LRMDA: variants seen among roughly 807,000 people sequenced by gnomAD.
LRMDA encodes the protein leucine rich melanocyte differentiation associated, also known as leucine-rich melanocyte differentiation-associated protein.
A neutral mutation model predicts 29.8 loss-of-function variants in LRMDA; 18 were observed. The ratio of observed to expected loss-of-function variants is 0.60; its 90% CI spans 0.42 to 0.90. The LOEUF (loss-of-function observed/expected upper bound fraction) is 0.90, where lower values mean the gene tolerates loss of function less well. Among genes scored for constraint, LRMDA ranks in the 40% least tolerant of loss-of-function variants. The probability of loss-of-function intolerance (pLI) is 0.00; values close to 1 mark genes in which losing one functional copy is unlikely to be tolerated. For synonymous variants in LRMDA, 125 were observed against 109.4 expected (o/e 1.14, Z -0.89); for missense variants, 273 against 273.9 (o/e 1.00, Z 0.02).
chr10:75,711,337 A>T (rs574533471), intron 2 of LRMDA, among the ~76,000 whole-genome samples: 1 of 152,252 alleles, frequency 6.6e-6, no homozygotes, highest in South Asian at 2.1e-4. Flanking sequence ...CTTAGTTGCA[A>T]AAAAGCAGGT....
chr10:75,848,722 C>G (rs956813379), intron 2 of LRMDA, among the ~76,000 whole-genome samples: 2 of 152,100 alleles, frequency 1.3e-5, no homozygotes, highest in Non-Finnish European at 2.9e-5. Context: ...ATCTTGTGTG[C>G]CCAGACCATA....
At chr10:76,383,449 A>G (rs1451953016) in intron 6 of LRMDA, among the ~76,000 whole-genome samples, 3 of 104,338 alleles carry the variant, frequency 2.9e-5, no homozygotes, top group African/African-American at 8.4e-5. Flanking sequence ...TTTGAGACGG[A>G]GTCTCGCTCT....
chr10:76,541,141 C>T (rs1010080421), intron 6 of LRMDA, among the ~76,000 whole-genome samples: 4 of 152,122 alleles, frequency 2.6e-5, no homozygotes, highest in Non-Finnish European at 5.9e-5. Flanking sequence ...CCAGGGTATC[C>T]AGGGATCTTC....
chr10:75,618,382 CTA>C (rs71477026), intron 2 of LRMDA, among the ~76,000 whole-genome samples: 13,716 of 76,200 alleles, frequency 0.18, 679 homozygotes, highest in Non-Finnish European at 0.2. Flanking sequence ...CTCTCTCTCT[CTA>C]TATATATATA....
At chr10:76,415,713 A>G (rs1326847726) in intron 6 of LRMDA, among the ~76,000 whole-genome samples, 1 of 152,212 alleles carries the variant, frequency 6.6e-6, no homozygotes, top group Non-Finnish European at 1.5e-5. Flanking sequence ...CATTCCTGAC[A>G]TGGCTATGGG....
At chr10:75,722,450 T>G (rs2132188920) in intron 2 of LRMDA, among the ~76,000 whole-genome samples, 1 of 152,228 alleles carries the variant, frequency 6.6e-6, no homozygotes, top group African/African-American at 2.4e-5. Context: ...TAAATCATAG[T>G]TCTATGTTTA....
chr10:75,478,521 C>G (rs1191232998), intron 2 of LRMDA, among the ~76,000 whole-genome samples: 1 of 152,176 alleles, frequency 6.6e-6, no homozygotes, highest in Non-Finnish European at 1.5e-5. Flanking sequence ...CTTTCTGTTT[C>G]AATGTAAGTA....
At chr10:75,453,485 G>A (rs970873632) in intron 2 of LRMDA, among the ~76,000 whole-genome samples, 1 of 152,294 alleles carries the variant, frequency 6.6e-6, no homozygotes, top group East Asian at 1.9e-4. Context: ...GGATCATTTA[G>A]ATGTATTCTT....
intron 5 of LRMDA, among the ~76,000 whole-genome samples, chr10:76,321,767 A>G (rs758834932): frequency 1.4e-4 from 21 of 152,154 alleles, no homozygotes; most frequent in Non-Finnish European, 2.6e-4. Flanking sequence ...CAACATGGCA[A>G]AACCCCATCT....
intron 6 of LRMDA, among the ~76,000 whole-genome samples, chr10:76,422,036 C>G (rs1431941358): frequency 6.6e-6 from 1 of 152,098 alleles, no homozygotes; most frequent in African/African-American, 2.4e-5. Flanking sequence ...GAGGACAGAT[C>G]TATTTCCAGT....
intron 5 of LRMDA, among the ~76,000 whole-genome samples, chr10:76,262,839 C>G (rs1364264351): frequency 2.0e-5 from 3 of 152,234 alleles, no homozygotes; most frequent in Admixed American, 6.5e-5. Context: ...TTGTGACACT[C>G]TGTTTCCACA....
At chr10:76,473,711 A>C in intron 6 of LRMDA, among the ~76,000 whole-genome samples, 1 of 151,728 alleles carries the variant, frequency 6.6e-6, no homozygotes, top group East Asian at 1.9e-4. Context: ...CATCCATCGT[A>C]ATTGTGAAAT....
rs183959130 is a variant in LRMDA, at chr10:76,052,436, G to T, written c.398+5133G>T. Reference sequence around the variant, plus strand: ...TTCCTGGGGAGCAGCCATTGCCCTGGGGGGAGCAGCCATTGCCCTGGGGAT... The same window carrying T: ...TTCCTGGGGAGCAGCCATTGCCCTGTGGGGAGCAGCCATTGCCCTGGGGAT... On this transcript the variant is annotated intron_variant, in intron 4 of 6. Transcript: ENST00000611255. Among the ~76,000 whole-genome samples, 190 of 151,884 alleles carry T rather than the reference G, an allele frequency of 1.3e-3. 1 individual carries two copies. Among genetic ancestry groups the T allele is most frequent in the South Asian group, 2.1e-3 (10 of 4,798 alleles).
chr10:75,588,911 A>G (rs574499856), intron 2 of LRMDA, among the ~76,000 whole-genome samples: 1 of 152,306 alleles, frequency 6.6e-6, no homozygotes, highest in East Asian at 1.9e-4. Flanking sequence ...TAACAAAAAT[A>G]CCTTCCCATT....
chr10:75,901,551 A>C (rs1589246845), intron 2 of LRMDA, among the ~76,000 whole-genome samples: 1 of 152,232 alleles, frequency 6.6e-6, no homozygotes, highest in South Asian at 2.1e-4. Flanking sequence ...CATTAATTAC[A>C]GTTAACAAAG....
chr10:76,170,950 C>G (rs1484120245), intron 5 of LRMDA, among the ~76,000 whole-genome samples: 1 of 152,178 alleles, frequency 6.6e-6, no homozygotes, highest in African/African-American at 2.4e-5. Context: ...GAATACCTAG[C>G]ACTTGGTAAA....
intron 5 of LRMDA, among the ~76,000 whole-genome samples, chr10:76,246,539 C>A (rs1337892914): frequency 8.6e-6 from 1 of 116,258 alleles, no homozygotes; most frequent in East Asian, 2.7e-4. Context: ...TGCTTGGAAC[C>A]AGGGGTGCAG....
At chr10:75,998,692 G>A (rs1470707198) in intron 2 of LRMDA, among the ~76,000 whole-genome samples, 2 of 152,214 alleles carry the variant, frequency 1.3e-5, no homozygotes, top group African/African-American at 4.8e-5. Flanking sequence ...CATGAGGCAG[G>A]CAGACATTAG....
intron 2 of LRMDA, among the ~76,000 whole-genome samples, chr10:76,027,079 A>C (rs1322781345): frequency 6.6e-6 from 1 of 152,210 alleles, no homozygotes; most frequent in Non-Finnish European, 1.5e-5. Context: ...CTCCTGGTTA[A>C]GCAACTTTAG....
Sources: gnomAD v4.1 joint callset for allele counts (sites outside exome capture counted in the v4.1 genomes callset) on GRCh38, gnomAD v4.1.1 for gene constraint, MANE v1.5 for transcripts, NCBI Gene and HGNC (gene_info 2026-07-23, HGNC 2026-07-21) for gene names.